GRM7: variants seen among roughly 807,000 people sequenced by gnomAD.
The protein encoded by GRM7 is metabotropic glutamate receptor 7.
In GRM7, 35 loss-of-function variants were observed where a neutral mutation model predicts 84.5. That is an observed-to-expected ratio of 0.41 (90% confidence interval 0.32 to 0.55). The LOEUF (loss-of-function observed/expected upper bound fraction) is 0.55. GRM7 is among the 20% of genes least tolerant of loss of function. The probability of loss-of-function intolerance (pLI) is 0.19; values close to 1 mark genes in which losing one functional copy is unlikely to be tolerated. For missense variants in GRM7, 1,003 were observed against 1,194.6 expected, an observed-to-expected ratio of 0.84 and a Z score of 2.36; for synonymous variants, 487 against 455.1, an observed-to-expected ratio of 1.07 and a Z score of -0.89.
chr3:7,381,333 A>T (rs1316908684), intron 4 of GRM7, among the ~76,000 whole-genome samples: 3 of 152,082 alleles, frequency 2.0e-5, no homozygotes, highest in Non-Finnish European at 2.9e-5. Flanking sequence ...TTATTCATTC[A>T]TTCTTTTCCC....
At chr3:6,998,137 A>AAAAAAAAAAAAAAAAAAAAC (rs1694887959) in intron 1 of GRM7, among the ~76,000 whole-genome samples, 2 of 148,130 alleles carry the variant, frequency 1.4e-5, no homozygotes, top group South Asian at 2.2e-4. Flanking sequence ...AAAAAAAAAA[A>AAAAAAAAAAAAAAAAAAAAC]AAGCAGGTTA....
chr3:7,228,177 A>C (rs1226104283), intron 2 of GRM7, among the ~76,000 whole-genome samples: 3 of 152,192 alleles, frequency 2.0e-5, no homozygotes, highest in Admixed American at 6.5e-5. Context: ...AATTTGAGGC[A>C]CATGAACTGA....
chr3:7,037,108 T>G (rs1696416170), intron 1 of GRM7, among the ~76,000 whole-genome samples: 1 of 152,202 alleles, frequency 6.6e-6, no homozygotes, highest in Non-Finnish European at 1.5e-5. Flanking sequence ...CTTCGGTGAA[T>G]TTTTAGAAAT....
At chr3:7,075,464 C>T (rs1011851639) in intron 1 of GRM7, among the ~76,000 whole-genome samples, 2 of 150,420 alleles carry the variant, frequency 1.3e-5, no homozygotes, top group Non-Finnish European at 1.5e-5. Flanking sequence ...CTTTTCAACT[C>T]TTTTCACTAT....
chr3:7,578,206 C>A (rs1695055594), intron 7 of GRM7, among the ~76,000 whole-genome samples: 1 of 152,082 alleles, frequency 6.6e-6, no homozygotes. Flanking sequence ...TTCTTAAGAT[C>A]TGGCACGTTG....
chr3:7,333,834 G>A (rs1412712134), intron 4 of GRM7, among the ~76,000 whole-genome samples: 4 of 151,960 alleles, frequency 2.6e-5, no homozygotes, highest in African/African-American at 9.7e-5. Flanking sequence ...GACAGTTTCA[G>A]CAATAGAATC....
intron 1 of GRM7, among the ~76,000 whole-genome samples, chr3:7,030,279 T>A (rs1282185297): frequency 6.6e-6 from 1 of 152,220 alleles, no homozygotes; most frequent in Non-Finnish European, 1.5e-5. Flanking sequence ...GATGGTGGCT[T>A]GTAGGTTTGT....
intron 1 of GRM7, among the ~76,000 whole-genome samples, chr3:6,921,493 C>G (rs971173135): frequency 6.6e-6 from 1 of 152,080 alleles, no homozygotes; most frequent in African/African-American, 2.4e-5. Context: ...TTTCAAAGAG[C>G]TTACATCTAT....
rs549693631 is a variant in GRM7, at chr3:7,360,145, G to C, written c.1033+53493G>C. Among the ~76,000 whole-genome samples the C allele has an allele frequency of 6.9e-3, 925 of 134,268 alleles. 96 individuals are homozygous for C. The highest frequency in any genetic ancestry group is 0.031 in the African/African-American group (873 of 28,100). 88.1% of individuals were successfully genotyped at this position (134,268 alleles called of 152,430 possible). On this transcript the variant is annotated intron_variant, in intron 4 of 9. Transcript: ENST00000357716. The stretch of plus-strand genomic sequence containing the variant: ...CCCCCTTTTTTTTCCCTCTGTGTGT[G>C]TGTGTGTGTGTGTGTGTGTGTGTGT...
At chr3:7,362,981 G>T (rs1354548452) in intron 4 of GRM7, among the ~76,000 whole-genome samples, 1 of 151,942 alleles carries the variant, frequency 6.6e-6, no homozygotes, top group African/African-American at 2.4e-5. Flanking sequence ...AGTTACCCAG[G>T]CATGGTGGTA....
intron 1 of GRM7, among the ~76,000 whole-genome samples, chr3:6,963,883 C>T (rs1693398680): frequency 6.6e-6 from 1 of 152,096 alleles, no homozygotes; most frequent in Non-Finnish European, 1.5e-5. Flanking sequence ...ATCAGATTTG[C>T]CATGCTGAAG....
intron 2 of GRM7, among the ~76,000 whole-genome samples, chr3:7,182,579 C>G (rs1695376179): frequency 6.6e-6 from 1 of 152,204 alleles, no homozygotes; most frequent in Admixed American, 6.5e-5. Context: ...TGTTAAACAT[C>G]AGGTTCAGAA....
Position 7,403,622 on chromosome 3 carries a change from GATATATATAT to G in GRM7, c.1034-11382_1034-11373del, listed in dbSNP as rs59465377. ...CATGTGATATTATCTGAGTAATTCT[GATATATATAT>G]ATATATATATATATATATGTACATA... On this transcript the variant is annotated intron_variant, in intron 4 of 9. Transcript: ENST00000357716. Among the ~76,000 whole-genome samples the G allele has an allele frequency of 4.8e-3, 609 of 126,950 alleles. 5 individuals carry two copies. The highest frequency in any genetic ancestry group is 0.028 in the South Asian group (115 of 4,072). The allele number at this position is 126,950 out of a possible 152,430, so 83.3% of individuals were successfully genotyped here.
intron 2 of GRM7, among the ~76,000 whole-genome samples, chr3:7,244,810 A>G (rs917236726): frequency 2.6e-5 from 4 of 152,078 alleles, no homozygotes; most frequent in Admixed American, 2.6e-4. Flanking sequence ...CATTCGACTC[A>G]AAAACAAATG....
chr3:7,316,313 T>C (rs1700581116), intron 4 of GRM7, among the ~76,000 whole-genome samples: 1 of 152,152 alleles, frequency 6.6e-6, no homozygotes, highest in East Asian at 1.9e-4. Context: ...AGGAATAACC[T>C]GATCTGTCTT....
intron 4 of GRM7, among the ~76,000 whole-genome samples, chr3:7,381,157 T>A (rs1694574280): frequency 6.6e-6 from 1 of 151,800 alleles, no homozygotes; most frequent in African/African-American, 2.4e-5. Flanking sequence ...ATGCTATTAT[T>A]TAGTTAGTTT....
chr3:7,344,538 A>G (rs1215727282), intron 4 of GRM7, among the ~76,000 whole-genome samples: 3 of 152,104 alleles, frequency 2.0e-5, no homozygotes, highest in Non-Finnish European at 2.9e-5. Context: ...ATTCATAAAA[A>G]GTAATGTCTG....
At chr3:7,462,032 CT>C (rs1559339571) in intron 7 of GRM7, among the ~76,000 whole-genome samples, 2 of 152,066 alleles carry the variant, frequency 1.3e-5, no homozygotes, top group Admixed American at 6.6e-5. Flanking sequence ...CTTGGTTAAA[CT>C]TTTTATTTCT....
intron 1 of GRM7, among the ~76,000 whole-genome samples, chr3:7,096,266 G>A (rs567699466): frequency 6.6e-6 from 1 of 152,082 alleles, no homozygotes; most frequent in South Asian, 2.1e-4. Flanking sequence ...ACCCCACAAG[G>A]TAAGGACTCA....
Sources: gnomAD v4.1 joint callset for allele counts (sites outside exome capture counted in the v4.1 genomes callset) on GRCh38, gnomAD v4.1.1 for gene constraint, MANE v1.5 for transcripts, NCBI Gene and HGNC (gene_info 2026-07-23, HGNC 2026-07-21) for gene names.